The following NACA variants were observed in gnomAD, a reference collection of about 807,000 sequenced individuals.
NACA encodes the protein nascent polypeptide-associated complex subunit alpha.
Under a neutral mutation model 86.4 loss-of-function variants are expected in NACA, and 42 were observed. The observed-to-expected ratio is 0.49, with a 90% CI of 0.38 to 0.63. The LOEUF is 0.63. Among genes scored for constraint, NACA ranks in the 20% least tolerant of loss-of-function variants. The probability of loss-of-function intolerance (pLI) is 0.00; values close to 1 mark genes in which losing one functional copy is unlikely to be tolerated. For synonymous variants in NACA, 898 were observed against 973.7 expected (o/e 0.92, Z 1.45); for missense variants, 2,157 against 2,483.6 (o/e 0.87, Z 2.80).
In NACA at chr12:56,718,885, G is replaced by C. The variant is rs1016386170; in HGVS notation, c.2645C>G (p.Pro882Arg). Residue 882 changes from proline (P) to arginine (R), a missense_variant, in exon 3 of 9, where the codon CCC becomes CGC. Transcript: ENST00000454682. Reference protein sequence around the residue: ...PLSPKGVTLPPKETPTPSVVN... With the variant: ...PLSPKGVTLPRKETPTPSVVN... ...CACTGAAGGAGTGGGGGTCTCTTTG[G>C]GGGGTAGTGTTACTCCTTTGGGAGA... 9 of 1,428,712 alleles carry C rather than the reference G, an allele frequency of 6.3e-6. No homozygotes were observed. Among genetic ancestry groups the C allele is most frequent in the East Asian group, 6.0e-5 (2 of 33,104 alleles). 88.5% of individuals were successfully genotyped at this position (1,428,712 alleles called of 1,614,324 possible).
intron 2 of NACA, 95 bp from the exon 3 acceptor site, chr12:56,721,554 A>G: frequency 1.4e-6 from 1 of 729,396 alleles, no homozygotes; most frequent in Non-Finnish European, 2.1e-6. Context: ...CCTCCTAGGA[A>G]ACACTGGAGT....
In NACA at chr12:56,717,316, G is replaced by A; in HGVS notation, c.4214C>T (p.Pro1405Leu). ...IPSPKGDPTS[P>L]AVIPLSPKKA... ...TTTGGGGGAGAGAGGAATCACTGCT[G>A]GGGAAGTGGGGTCCCCTTTGGGAGA... is the stretch of plus-strand genomic sequence containing the variant. Residue 1405 changes from proline to leucine, a missense_variant, in exon 3 of 9, where the codon CCA (proline) becomes CTA (leucine). Physicochemically the swap from Pro to Leu is moderately conservative, Grantham distance 98 (BLOSUM62 -3). Transcript: ENST00000454682. The A allele has an allele frequency of 7.4e-7, 1 of 1,359,650 alleles. No individual in the cohort carries two copies. Among genetic ancestry groups the A allele is most frequent in the South Asian group, 1.3e-5 (1 of 74,590 alleles). 84.2% of individuals were successfully genotyped at this position (1,359,650 alleles called of 1,614,324 possible).
At chr12:56,715,815 C>G (rs1327886597) in intron 3 of NACA, 56 bp downstream of exon 3, 8 of 1,438,738 alleles carry the variant, frequency 5.6e-6, no homozygotes, top group Non-Finnish European at 7.4e-6. Context: ...TGGGTAGCGC[C>G]CAAGAGGGGT....
Position 56,724,536 on chromosome 12 carries a change from A to G in NACA, c.-2-13T>C, listed in dbSNP as rs145187755. 2.2e-3 allele frequency: 3,587 copies of G among 1,609,690 alleles called. 55 individuals carry two copies. In the African/African-American group the frequency reaches 0.036, roughly 16 times the overall value. ...TCGCCGGGCATTTCTGAAGGAAGGGAATAAAAAGGAGGCCTAAATTGATTG... is the reference window on the plus strand; with the variant it reads ...TCGCCGGGCATTTCTGAAGGAAGGGGATAAAAAGGAGGCCTAAATTGATTG... On this transcript the variant is annotated splice_polypyrimidine_tract_variant and intron_variant, in intron 1 of 8. Coordinates refer to ENST00000454682, the MANE Select transcript of NACA (RefSeq NM_001365896.1).
Position 56,720,823 on chromosome 12 carries a change from G to C in NACA, c.707C>G (p.Thr236Arg), listed in dbSNP as rs1282081316. 6.2e-7 allele frequency: 1 copy of C among 1,614,030 alleles called. No homozygotes were observed. ...GVASLPQTTP[T>R]TTLAIASPQV... ...AGGGGAAGCGATGGCTAGGGTAGTTGTGGGTGTTGTCTGAGGAAGGGAGGC... is the reference window on the plus strand; with the variant it reads ...AGGGGAAGCGATGGCTAGGGTAGTTCTGGGTGTTGTCTGAGGAAGGGAGGC... The change falls in exon 3 of 9, where the codon ACA (threonine) becomes AGA (arginine). Residue 236 changes from threonine to arginine, a missense_variant. Coordinates refer to ENST00000454682, the MANE Select transcript of NACA (RefSeq NM_001365896.1).
At chr12:56,723,590 C>G (rs1953631407) in intron 2 of NACA, among the ~76,000 whole-genome samples, 1 of 152,062 alleles carries the variant, frequency 6.6e-6, no homozygotes, top group Admixed American at 6.5e-5. Flanking sequence ...TGGGAAGAAA[C>G]TTTATGCTTT....
intron 5 of NACA, chr12:56,713,975 G>T: frequency 2.5e-6 from 1 of 407,038 alleles, no homozygotes; most frequent in Middle Eastern, 7.0e-4. Flanking sequence ...CTTAGTAGCT[G>T]GGATTACAGG....
rs1953350496 is a variant in NACA, at chr12:56,716,104, G to A, written c.5426C>T (p.Thr1809Ile). 6.2e-7 allele frequency: 1 copy of A among 1,613,504 alleles called. No individual in the cohort carries two copies. The highest frequency in any genetic ancestry group is 1.3e-5 in the African/African-American group (1 of 75,024). The change falls in exon 3 of 9, where the codon ACT becomes ATT. Residue 1809 changes from threonine to isoleucine, a missense_variant. Thr to Ile is a moderately conservative substitution (Grantham distance 89, BLOSUM62 -1). Coordinates refer to ENST00000454682, the MANE Select transcript of NACA (RefSeq NM_001365896.1). ...SLPLAPSPVP[T>I]LPPKQQFLPS... ...CAGAAATTGCTGTTTAGGAGGCAGA[G>A]TGGGAACTGGGGAGGGAGCAAGAGG... is the stretch of plus-strand genomic sequence containing the variant.
In NACA at chr12:56,716,255, T is replaced by C. The variant is rs1247947254; in HGVS notation, c.5275A>G (p.Lys1759Glu). The C allele has an allele frequency of 7.4e-6, 12 of 1,613,488 alleles. No individual in the cohort carries two copies. The highest frequency in any genetic ancestry group is 8.5e-6 in the Non-Finnish European group (10 of 1,179,852). ...GACTCAGGAGGAGCCAAGGGGCCCT[T>C]TGGGGAATGAGAAGCATCTTTGCCT... ...AKGKDASHSP[K>E]GPLAPPESKA... is the part of the protein sequence containing the mutation. The change falls in exon 3 of 9, where the codon AAG (lysine) becomes GAG (glutamate). Residue 1759 changes from lysine (K) to glutamate (E), a missense_variant. Around this residue, in one of 8 missense-constraint regions of NACA, gnomAD observed 797 missense variants for 777.6 expected, o/e 1.02. Transcript: ENST00000454682.
intron 2 of NACA, 25 bp from the exon 3 acceptor site, chr12:56,721,484 A>G (rs1565899309): frequency 7.2e-7 from 1 of 1,395,146 alleles, no homozygotes. Flanking sequence ...AAGGAGATAA[A>G]GAAAGGGGGA....
Position 56,719,192 on chromosome 12 carries a change from T to C in NACA, c.2338A>G (p.Thr780Ala), listed in dbSNP as rs1388267791. The C allele has an allele frequency of 6.1e-6, 9 of 1,479,402 alleles. No individual in the cohort carries two copies. The highest frequency in any genetic ancestry group is 3.4e-5 in the South Asian group (3 of 88,928). The allele number at this position is 1,479,402 out of a possible 1,614,324, so 91.6% of individuals were successfully genotyped here. ...CPTEDSGASATASSKGTLTYL... is the reference protein window; with the variant it reads ...CPTEDSGASAAASSKGTLTYL... ...GTCAGAGTTCCTTTGGAAGATGCAGTAGCAGAAGCACCAGAGTCCTCAGTT... is the reference window on the plus strand; with the variant it reads ...GTCAGAGTTCCTTTGGAAGATGCAGCAGCAGAAGCACCAGAGTCCTCAGTT... The change falls in exon 3 of 9, where the codon ACT becomes GCT. Residue 780 changes from threonine (T) to alanine (A), a missense_variant. Thr to Ala is a moderately conservative substitution (Grantham distance 58). This residue lies in a region of NACA where 174 missense variants were observed against 217.0 expected (regional missense o/e 0.80). Transcript: ENST00000454682.
In NACA at chr12:56,713,092, T is replaced by C. The variant is rs1402753155; in HGVS notation, c.6069A>G (p.Pro2023=). The part of the protein sequence containing the change: ...VSNIQENTQT[P]TVQEESEEEE... ...CCTCTTCACTCTCCTCTTGTACAGT[T>C]GGAGTCTGTGTGTTTTCTTGAATGT... Residue 2023 remains proline (P), a synonymous_variant, in exon 7 of 9, where the codon CCA becomes CCG. Coordinates refer to ENST00000454682, the MANE Select transcript of NACA (RefSeq NM_001365896.1). 5.0e-6 allele frequency: 8 copies of C among 1,614,050 alleles called. No individual in the cohort carries two copies. The South Asian group carries it at 8.8e-5, about 18-fold the overall frequency.
chr12:56,721,493 G>A (rs1953575900), intron 2 of NACA, 34 bp from the exon 3 acceptor site: 1 of 1,391,664 alleles, frequency 7.2e-7, no homozygotes, highest in African/African-American at 1.4e-5. Context: ...AAGAAAGGGG[G>A]AGGGGGAGGA....
chr12:56,716,719 G>A lies in NACA; in HGVS notation c.4811C>T (p.Ala1604Val). ...CTCTTTGGGGGAAGGAGAAGTCACA[G>A]CTGGTGGAATGAGGAGCTCTTTGGG... is the stretch of plus-strand genomic sequence containing the variant. ...PSPKELLIPPAVTSPSPKEAP... is the reference protein window; with the variant it reads ...PSPKELLIPPVVTSPSPKEAP... The change falls in exon 3 of 9, where the codon GCT becomes GTT. Residue 1604 changes from alanine (A) to valine (V), a missense_variant. This residue lies in a region of NACA where 797 missense variants were observed against 777.6 expected (regional missense o/e 1.02). Coordinates refer to ENST00000454682, the MANE Select transcript of NACA (RefSeq NM_001365896.1). 1.4e-6 allele frequency: 2 copies of A among 1,404,492 alleles called. No individual in the cohort carries two copies. Among genetic ancestry groups the A allele is most frequent in the Non-Finnish European group, 1.9e-6 (2 of 1,054,318 alleles). The allele number at this position is 1,404,492 out of a possible 1,614,324, so 87.0% of individuals were successfully genotyped here.
rs767381664 is a variant in NACA at position 56,712,529 on chromosome 12, T to C, written c.*9A>G. 1 of 1,613,166 alleles carries C rather than the reference T, an allele frequency of 6.2e-7. No individual in the cohort carries two copies. Among genetic ancestry groups the C allele is most frequent in the South Asian group, 1.1e-5 (1 of 90,952 alleles). ...CTTTGAGACACCAAAAAAAGTTGCT[T>C]CCATATGGTTACATTGTTAATTCCT... On this transcript the variant is annotated 3_prime_UTR_variant, in exon 9 of 9. Transcript: ENST00000454682.
At chr12:56,723,670 A>T (rs534603104) in intron 2 of NACA, among the ~76,000 whole-genome samples, 7 of 152,058 alleles carry the variant, frequency 4.6e-5, no homozygotes, top group East Asian at 3.8e-4. Context: ...AATGAAATTT[A>T]AAAAAAACCA....
Position 56,717,482 on chromosome 12 carries a change from G to A in NACA, c.4048C>T (p.Pro1350Ser). Residue 1350 changes from proline (P) to serine (S), a missense_variant, in exon 3 of 9, where the codon CCA (proline) becomes TCA (serine). By Grantham distance (74) the Pro-to-Ser change is moderately conservative. Transcript: ENST00000454682. ...CCTTTAGAGGAGGGAGTTGTAGCTG[G>A]GAGAGTAGGGGTCCCTTTAGGGGAG... is the stretch of plus-strand genomic sequence containing the variant. ...PPSPKGTPTL[P>S]ATTPSSKGGP... The A allele has an allele frequency of 7.3e-7, 1 of 1,364,190 alleles. No individual in the cohort carries two copies. Among genetic ancestry groups the A allele is most frequent in the South Asian group, 1.3e-5 (1 of 78,108 alleles). The allele number at this position is 1,364,190 out of a possible 1,614,324, so 84.5% of individuals were successfully genotyped here.
chr12:56,723,434 A>C (rs749160655), intron 2 of NACA, among the ~76,000 whole-genome samples: 2 of 152,216 alleles, frequency 1.3e-5, no homozygotes, highest in Non-Finnish European at 2.9e-5. Context: ...AAATTACAGA[A>C]TCTTTAGAGA....
At chr12:56,724,634 G>T in intron 1 of NACA, 111 bp from the exon 2 acceptor site, 1 of 1,204,626 alleles carries the variant, frequency 8.3e-7, no homozygotes, top group Non-Finnish European at 1.2e-6. Flanking sequence ...GAAAAAAATC[G>T]TGAGGGTGTT....
Sources: allele counts gnomAD v4.1 joint callset (sites outside exome capture counted in the v4.1 genomes callset), GRCh38; gene constraint gnomAD v4.1.1; regional missense constraint gnomAD v4.1.1; transcripts MANE v1.5; gene names NCBI Gene and HGNC (gene_info 2026-07-23, HGNC 2026-07-21).